BLM: variants seen among roughly 807,000 people sequenced by gnomAD.
BLM encodes the protein BLM RecQ like helicase, also known as recQ-like DNA helicase BLM.
Under a neutral mutation model 135.3 loss-of-function variants are expected in BLM, and 95 were observed. The observed-to-expected ratio is 0.70, with a 90% CI of 0.59 to 0.83. The LOEUF (loss-of-function observed/expected upper bound fraction) is 0.83. BLM is among the 40% of genes least tolerant of loss of function. The pLI is 0.00. For synonymous variants in BLM, 520 were observed against 589.2 expected (o/e 0.88, Z 1.70); for missense variants, 1,518 against 1,663.9 (o/e 0.91, Z 1.53).
intron 1 of BLM, among the ~76,000 whole-genome samples, chr15:90,741,819 G>T (rs1895370917): frequency 6.6e-6 from 1 of 152,084 alleles, no homozygotes; most frequent in Non-Finnish European, 1.5e-5. Flanking sequence ...ATCCAATATG[G>T]GAGTGAAAAT....
chr15:90,771,313 C>A (rs1175985635), intron 12 of BLM, among the ~76,000 whole-genome samples: 1 of 151,958 alleles, frequency 6.6e-6, no homozygotes, highest in Non-Finnish European at 1.5e-5. Context: ...GTGGCGATAC[C>A]CCATCTCTAC....
chr15:90,785,614 G>A (rs150687682), intron 14 of BLM, among the ~76,000 whole-genome samples: 3 of 149,188 alleles, frequency 2.0e-5, no homozygotes, highest in Non-Finnish European at 4.4e-5. Flanking sequence ...AGAGATCTTC[G>A]CTTACTGCAA....
At chr15:90,739,175 C>A (rs1895298789) in intron 1 of BLM, among the ~76,000 whole-genome samples, 1 of 152,144 alleles carries the variant, frequency 6.6e-6, no homozygotes, top group African/African-American at 2.4e-5. Context: ...ACAGGCAGAT[C>A]ACAAGGTCAC....
intron 1 of BLM, among the ~76,000 whole-genome samples, chr15:90,735,354 C>T (rs562574998): frequency 6.7e-6 from 1 of 148,962 alleles, no homozygotes; most frequent in African/African-American, 2.5e-5. Context: ...TGGCACTAGA[C>T]AAGTTGATTC....
intron 16 of BLM, among the ~76,000 whole-genome samples, chr15:90,797,733 G>A (rs1319985931): frequency 2.6e-5 from 4 of 152,112 alleles, no homozygotes; most frequent in Admixed American, 6.6e-5. Context: ...GGCAAAGTTT[G>A]GGGATAGCTG....
chr15:90,810,169 C>T (rs28385152), intron 20 of BLM, among the ~76,000 whole-genome samples: 1 of 150,594 alleles, frequency 6.6e-6, no homozygotes, highest in African/African-American at 2.4e-5. Flanking sequence ...TATCCCACCT[C>T]AGCCTCCCCA....
intron 14 of BLM, among the ~76,000 whole-genome samples, chr15:90,789,126 A>G (rs1240697073): frequency 2.0e-5 from 3 of 152,228 alleles, no homozygotes; most frequent in African/African-American, 7.2e-5. Context: ...TTCTGCTCTC[A>G]GACTAATTAA....
At chr15:90,718,165 G>A (rs1196290219) in intron 1 of BLM, among the ~76,000 whole-genome samples, 1 of 152,174 alleles carries the variant, frequency 6.6e-6, no homozygotes, top group Non-Finnish European at 1.5e-5. Flanking sequence ...CTGTTACATA[G>A]TACACAGTAA....
intron 2 of BLM, 38 bp from the exon 3 acceptor site, chr15:90,749,329 A>G (rs1394840724): frequency 6.7e-7 from 1 of 1,491,476 alleles, no homozygotes; most frequent in East Asian, 2.3e-5. Context: ...GTTTCTTAAA[A>G]TGGATCCATC....
intron 16 of BLM, among the ~76,000 whole-genome samples, chr15:90,797,188 C>T (rs1175102440): frequency 1.3e-5 from 2 of 151,810 alleles, no homozygotes; most frequent in Non-Finnish European, 2.9e-5. Flanking sequence ...CTGAGGCCGG[C>T]GGATCACCTG....
intron 19 of BLM, among the ~76,000 whole-genome samples, chr15:90,804,999 G>A (rs534204891): frequency 3.5e-4 from 54 of 152,166 alleles, no homozygotes; most frequent in Admixed American, 3.2e-3. Flanking sequence ...ACCACGCCCG[G>A]CTAATTGTGT....
At chr15:90,814,255 C>T (rs1391384217) in intron 21 of BLM, among the ~76,000 whole-genome samples, 1 of 152,206 alleles carries the variant, frequency 6.6e-6, no homozygotes, top group Non-Finnish European at 1.5e-5. Context: ...TGGGGCCTGA[C>T]ATCAGCCGGT....
At chr15:90,755,787 T>C (rs1341343045) in intron 5 of BLM, among the ~76,000 whole-genome samples, 1 of 152,200 alleles carries the variant, frequency 6.6e-6, no homozygotes, top group Non-Finnish European at 1.5e-5. Flanking sequence ...TATCTTTAAC[T>C]CTTCTGTGGA....
At chr15:90,753,510 A>C (rs1895741584) in intron 4 of BLM, among the ~76,000 whole-genome samples, 1 of 152,224 alleles carries the variant, frequency 6.6e-6, no homozygotes, top group East Asian at 1.9e-4. Flanking sequence ...GAGTCTTAGC[A>C]ATTAAAAAAG....
intron 1 of BLM, among the ~76,000 whole-genome samples, chr15:90,741,595 C>T (rs1306232190): frequency 6.6e-6 from 1 of 152,136 alleles, no homozygotes; most frequent in Non-Finnish European, 1.5e-5. Flanking sequence ...TCTGTGTGTG[C>T]ATCTATTAAG....
At chr15:90,762,522 TTTG>T in intron 7 of BLM, 3 of 182,914 alleles carry the variant, frequency 1.6e-5, no homozygotes, top group South Asian at 1.1e-4. Flanking sequence ...GGTGTAGGCA[TTTG>T]CTGCACACGG....
intron 21 of BLM, among the ~76,000 whole-genome samples, chr15:90,812,730 G>T (rs2151200839): frequency 6.6e-6 from 1 of 152,288 alleles, no homozygotes; most frequent in Non-Finnish European, 1.5e-5. Flanking sequence ...TAAAAAACAA[G>T]AACTGAGTGG....
chr15:90,774,038 A>G (rs974635896), intron 12 of BLM, among the ~76,000 whole-genome samples: 1 of 135,358 alleles, frequency 7.4e-6, no homozygotes, highest in Non-Finnish European at 1.6e-5. Flanking sequence ...TTCAAGGACT[A>G]CTAAACTAGT....
chr15:90,798,752 C>T (rs896869859), intron 17 of BLM, among the ~76,000 whole-genome samples: 33 of 152,034 alleles, frequency 2.2e-4, no homozygotes, highest in African/African-American at 4.1e-4. Context: ...GAGGCCGAGG[C>T]GGGCGGATCA....
Sources: gnomAD v4.1 joint callset for allele counts (sites outside exome capture counted in the v4.1 genomes callset) on GRCh38, gnomAD v4.1.1 for gene constraint, MANE v1.5 for transcripts, NCBI Gene and HGNC (gene_info 2026-07-23, HGNC 2026-07-21) for gene names.